ALG9: variants seen among roughly 807,000 people sequenced by gnomAD.
ALG9 encodes ALG9 alpha-1,2-mannosyltransferase.
A neutral mutation model predicts 81.8 loss-of-function variants in ALG9; 55 were observed. That is an observed-to-expected ratio of 0.67 (90% CI 0.54 to 0.84). The LOEUF is 0.84. Among genes scored for constraint, ALG9 ranks in the 40% least tolerant of loss-of-function variants. ALG9 has a pLI of 0.00. For synonymous variants in ALG9, 278 were observed against 274.3 expected, an observed-to-expected ratio of 1.01 and a Z score of -0.13; for missense variants, 629 against 745.0, an observed-to-expected ratio of 0.84 and a Z score of 1.81.
the ALG9 span, chr11:111,768,654 T>TTGTGTGTG: frequency 2.0e-5 from 3 of 149,982 alleles, no homozygotes; most frequent in Admixed American, 6.7e-5. Context: ...AATTATTGTG[T>TTGTGTGTG]TGTGTGTGTG....
chr11:111,788,555 G>A, intron 14 of ALG9: 1 of 421,468 alleles, frequency 2.4e-6, no homozygotes, highest in Non-Finnish European at 4.6e-6. Flanking sequence ...CCCAGCCTGG[G>A]CAACAAATTG....
intron 9 of ALG9, among the ~76,000 whole-genome samples, chr11:111,841,675 A>C (rs375237963): frequency 1.8e-4 from 28 of 152,194 alleles, no homozygotes; most frequent in Non-Finnish European, 2.5e-4. Context: ...GTTAACAGTA[A>C]GCCAGTTTAC....
chr11:111,860,770 G>T, intron 4 of ALG9, 135 bp from the exon 5 acceptor site: 1 of 667,614 alleles, frequency 1.5e-6, no homozygotes, highest in Non-Finnish European at 2.6e-6. Context: ...AGGTTTGTTA[G>T]CAATTCACTG....
At chr11:111,857,870 T>C (rs1958955590) in intron 5 of ALG9, 133 bp from the exon 6 acceptor site, 3 of 1,023,958 alleles carry the variant, frequency 2.9e-6, no homozygotes, top group Middle Eastern at 3.0e-4. Flanking sequence ...GGGGAAATGC[T>C]ATATTAGAAA....
chr11:111,826,066 C>T (rs373458763), intron 13 of ALG9, among the ~76,000 whole-genome samples: 5 of 132,674 alleles, frequency 3.8e-5, no homozygotes, highest in African/African-American at 1.1e-4. Flanking sequence ...AACTCCGTCT[C>T]AATAATAATA....
chr11:111,784,070 G>GAACA lies in ALG9; in HGVS notation c.*2323_*2326dup, dbSNP rs1164571491. The GAACA allele has an allele frequency of 6.6e-6, 1 of 152,212 alleles. No homozygotes were observed. Among genetic ancestry groups the GAACA allele is most frequent in the Non-Finnish European group, 1.5e-5 (1 of 68,032 alleles). The allele number at this position is 152,212 out of a possible 1,614,324, so 9.4% of individuals were successfully genotyped here. ...CATAGAGGGCCTTAGCTACTGTGAAGAACAGCACATTATTACTGCAAGTAA... is the reference window on the plus strand; with the variant it reads ...CATAGAGGGCCTTAGCTACTGTGAAGAACAAACAGCACATTATTACTGCAAGTAA... On this transcript the variant is annotated 3_prime_UTR_variant, in exon 15 of 15. Coordinates refer to ENST00000616540, the MANE Select transcript of ALG9 (RefSeq NM_024740.2).
intron 8 of ALG9, among the ~76,000 whole-genome samples, chr11:111,850,230 A>G (rs1296676166): frequency 1.3e-5 from 2 of 152,242 alleles, no homozygotes; most frequent in East Asian, 3.8e-4. Flanking sequence ...AAGTGATTCT[A>G]TGATACAACT....
At chr11:111,792,262 C>T (rs1422709531) in intron 14 of ALG9, among the ~76,000 whole-genome samples, 2 of 152,198 alleles carry the variant, frequency 1.3e-5, no homozygotes, top group Non-Finnish European at 2.9e-5. Flanking sequence ...ACAAAACACA[C>T]CCACATTCTA....
chr11:111,807,551 A>G (rs2136391095), intron 14 of ALG9, among the ~76,000 whole-genome samples: 1 of 152,278 alleles, frequency 6.6e-6, no homozygotes, highest in South Asian at 2.1e-4. Context: ...CCTCTAATAT[A>G]CTATATAACT....
At chr11:111,853,776 C>T (rs542667529) in intron 6 of ALG9, 40 bp from the exon 7 acceptor site, 1 of 1,519,210 alleles carries the variant, frequency 6.6e-7, no homozygotes, top group Admixed American at 1.7e-5. Context: ...TAAATAAATA[C>T]TGACAGAGAC....
chr11:111,770,013 C>T, the ALG9 span, among the ~76,000 whole-genome samples: 3 of 152,114 alleles, frequency 2.0e-5, no homozygotes, highest in Admixed American at 2.0e-4. Context: ...ATGGAGCTAA[C>T]CACCTCTTGT....
At position 111,854,806 on chromosome 11, in the gene ALG9, T is replaced by C. The variant is rs912564251; in HGVS notation, c.702-1070A>G. On this transcript the variant is annotated intron_variant, in intron 6 of 14. Transcript: ENST00000616540. ...CCAATATCTGTCTTTCCTACTAAAA[T>C]GTTAAGTTCCAAAAGGGCAGGAACC... 5.3e-5 allele frequency among the ~76,000 whole-genome samples: 8 copies of C among 152,352 alleles called. No individual in the cohort carries two copies. In the South Asian group the frequency reaches 6.2e-4, roughly 12 times the overall value.
chr11:111,801,272 C>A (rs1949085120), intron 14 of ALG9, among the ~76,000 whole-genome samples: 2 of 152,234 alleles, frequency 1.3e-5, no homozygotes, highest in African/African-American at 4.8e-5. Flanking sequence ...CAGGCTCTGA[C>A]AGTACAGTCT....
chr11:111,836,331 GGGAT>G, intron 12 of ALG9, 37 bp from the exon 13 acceptor site: 1 of 1,612,354 alleles, frequency 6.2e-7, no homozygotes, highest in Non-Finnish European at 8.5e-7. Flanking sequence ...AAAACACAGG[GGGAT>G]AATATTGCTA....
At chr11:111,829,022 C>A (rs1953871332) in intron 13 of ALG9, 1 of 152,014 alleles carries the variant, frequency 6.6e-6, no homozygotes, top group South Asian at 2.1e-4. Flanking sequence ...TGTCTACTGC[C>A]CCATAGGTCT....
chr11:111,801,038 G>A (rs1949049771), intron 14 of ALG9, among the ~76,000 whole-genome samples: 1 of 152,174 alleles, frequency 6.6e-6, no homozygotes, highest in Non-Finnish European at 1.5e-5. Context: ...AAGAGCTAGA[G>A]AATAGTGAGG....
chr11:111,869,530 T>C (rs1017305906), intron 2 of ALG9, among the ~76,000 whole-genome samples: 5 of 152,232 alleles, frequency 3.3e-5, no homozygotes, highest in African/African-American at 1.2e-4. Flanking sequence ...AGCTACTGTT[T>C]TTCCTTTAGG....
the ALG9 span, among the ~76,000 whole-genome samples, chr11:111,773,677 G>A: frequency 0.029 from 4,326 of 151,308 alleles, 130 homozygotes; most frequent in Admixed American, 0.08. Context: ...TATACCACTC[G>A]GAAAAAAATG....
At chr11:111,806,087 T>C (rs1234609825) in intron 14 of ALG9, among the ~76,000 whole-genome samples, 1 of 152,120 alleles carries the variant, frequency 6.6e-6, no homozygotes, top group Non-Finnish European at 1.5e-5. Flanking sequence ...TTCGAACTCC[T>C]GGCCCCAAGT....
Sources: allele counts gnomAD v4.1 joint callset (sites outside exome capture counted in the v4.1 genomes callset), GRCh38; gene constraint gnomAD v4.1.1; transcripts MANE v1.5; gene names NCBI Gene and HGNC (gene_info 2026-07-23, HGNC 2026-07-21).